Variants in RFX3 observed in about 807,000 individuals in gnomAD.
RFX3 encodes regulatory factor X3.
RFX3 carries 14 observed loss-of-function variants against 98.6 expected under a neutral mutation model. The ratio of observed to expected loss-of-function variants is 0.14; its 90% CI spans 0.09 to 0.22. RFX3 has a LOEUF of 0.22. Among genes scored for constraint, RFX3 ranks in the 10% least tolerant of loss-of-function variants. The pLI is 1.00. For synonymous variants in RFX3, 383 were observed against 328.4 expected (o/e 1.17, Z -1.80); for missense variants, 639 against 926.9 (o/e 0.69, Z 4.03).
chr9:3,465,852 G>T (rs1848165318), intron 1 of RFX3, among the ~76,000 whole-genome samples: 1 of 151,608 alleles, frequency 6.6e-6, no homozygotes, highest in African/African-American at 2.4e-5. Context: ...AAGGAGATAG[G>T]GGAACTTGAC....
At chr9:3,270,102 GAAA>G (rs1824211463) in intron 11 of RFX3, among the ~76,000 whole-genome samples, 1 of 16,524 alleles carries the variant, frequency 6.1e-5, no homozygotes, top group South Asian at 6.0e-3. Context: ...AAGAAAGAAA[GAAA>G]GAAAGAAAGA....
chr9:3,332,915 T>C (rs996308989), intron 3 of RFX3, among the ~76,000 whole-genome samples: 1 of 152,066 alleles, frequency 6.6e-6, no homozygotes, highest in East Asian at 1.9e-4. Context: ...AAGCACCTTA[T>C]CTCAAAATTA....
chr9:3,422,338 G>A (rs1475996793), intron 1 of RFX3, among the ~76,000 whole-genome samples: 1 of 152,170 alleles, frequency 6.6e-6, no homozygotes, highest in South Asian at 2.1e-4. Context: ...GCTGTTGTTG[G>A]TAATGGTGGT....
At position 3,254,763 on chromosome 9, in the gene RFX3, C is replaced by T. The variant is rs180809388; in HGVS notation, c.1814+2228G>A. On this transcript the variant is annotated intron_variant, in intron 14 of 16. Transcript: ENST00000617270. ...AATTCTACCATTACTACAACTGTTG[C>T]TGCATCTACCTTGAGAACACTGTGA... Among the ~76,000 whole-genome samples, 33 of 152,278 alleles carry T rather than the reference C, an allele frequency of 2.2e-4. No individual in the cohort carries two copies. In the East Asian group the frequency reaches 2.9e-3, roughly 13 times the overall value.
intron 12 of RFX3, among the ~76,000 whole-genome samples, chr9:3,265,482 C>T (rs910272563): frequency 5.3e-5 from 8 of 152,150 alleles, no homozygotes; most frequent in Admixed American, 6.6e-5. Context: ...TTGCTGGAGT[C>T]TGACAGTAAA....
chr9:3,479,506 G>C (rs888547356), intron 1 of RFX3, among the ~76,000 whole-genome samples: 1 of 152,094 alleles, frequency 6.6e-6, no homozygotes, highest in African/African-American at 2.4e-5. Flanking sequence ...AAATGAGAGT[G>C]AAACAGATCT....
At chr9:3,250,814 C>T (rs1352215254) in intron 14 of RFX3, among the ~76,000 whole-genome samples, 3 of 151,852 alleles carry the variant, frequency 2.0e-5, no homozygotes, top group South Asian at 2.1e-4. Context: ...ATAATATAAT[C>T]GTTAAGTTGA....
intron 2 of RFX3, among the ~76,000 whole-genome samples, chr9:3,390,568 C>A (rs1840203027): frequency 6.6e-6 from 1 of 152,118 alleles, no homozygotes; most frequent in African/African-American, 2.4e-5. Flanking sequence ...AATTGTAATT[C>A]CCACAATTCC....
intron 2 of RFX3, among the ~76,000 whole-genome samples, chr9:3,355,773 G>C (rs917620350): frequency 1.3e-5 from 2 of 151,742 alleles, no homozygotes; most frequent in Admixed American, 1.3e-4. Flanking sequence ...GAAAGTTCAG[G>C]AATAAATGAG....
intron 1 of RFX3, among the ~76,000 whole-genome samples, chr9:3,469,873 T>C (rs939175531): frequency 6.6e-6 from 1 of 150,764 alleles, no homozygotes; most frequent in Non-Finnish European, 1.5e-5. Flanking sequence ...TTATAGCTCA[T>C]GTGTAAGTCC....
intron 3 of RFX3, among the ~76,000 whole-genome samples, chr9:3,341,823 G>C (rs1282433791): frequency 6.6e-6 from 1 of 152,152 alleles, no homozygotes; most frequent in Non-Finnish European, 1.5e-5. Context: ...TCCTATACCA[G>C]TCAGAATGTG....
At chr9:3,342,497 G>A (rs1016674578) in intron 3 of RFX3, among the ~76,000 whole-genome samples, 1 of 152,094 alleles carries the variant, frequency 6.6e-6, no homozygotes, top group African/African-American at 2.4e-5. Flanking sequence ...TCTAAAGAGT[G>A]GGCAAGTTTC....
At chr9:3,356,334 C>T (rs1326954848) in intron 2 of RFX3, among the ~76,000 whole-genome samples, 1 of 151,676 alleles carries the variant, frequency 6.6e-6, no homozygotes, top group Non-Finnish European at 1.5e-5. Flanking sequence ...AAAGGGGAAA[C>T]GTCACTATAC....
intron 14 of RFX3, among the ~76,000 whole-genome samples, chr9:3,249,106 G>A (rs12002102): frequency 6.6e-6 from 1 of 151,968 alleles, no homozygotes. Flanking sequence ...ATTTTTGGCA[G>A]ATGAACACTA....
intron 2 of RFX3, among the ~76,000 whole-genome samples, chr9:3,355,978 T>G (rs1266444556): frequency 6.6e-6 from 1 of 151,804 alleles, no homozygotes; most frequent in Non-Finnish European, 1.5e-5. Context: ...AATTAGACAA[T>G]GTATTGAATT....
At chr9:3,394,361 G>A (rs986537607) in intron 2 of RFX3, among the ~76,000 whole-genome samples, 2 of 152,168 alleles carry the variant, frequency 1.3e-5, no homozygotes, top group Non-Finnish European at 2.9e-5. Context: ...TATTCTGGAG[G>A]CTGAGGCAGG....
At chr9:3,482,444 G>T (rs1047843837) in intron 1 of RFX3, among the ~76,000 whole-genome samples, 1 of 152,068 alleles carries the variant, frequency 6.6e-6, no homozygotes, top group East Asian at 1.9e-4. Context: ...TTCTTTGTAC[G>T]TTTCTGTATT....
At chr9:3,393,039 G>A (rs1223307166) in intron 2 of RFX3, among the ~76,000 whole-genome samples, 2 of 146,676 alleles carry the variant, frequency 1.4e-5, no homozygotes, top group African/African-American at 5.0e-5. Flanking sequence ...GAACATAAGG[G>A]ACAGGAAGGG....
At chr9:3,241,998 G>A (rs1819991405) in intron 15 of RFX3, among the ~76,000 whole-genome samples, 1 of 152,186 alleles carries the variant, frequency 6.6e-6, no homozygotes, top group South Asian at 2.1e-4. Flanking sequence ...GTGTGTCTAT[G>A]TGTTTGTGTG....
Sources: allele counts gnomAD v4.1 joint callset (sites outside exome capture counted in the v4.1 genomes callset), GRCh38; gene constraint gnomAD v4.1.1; transcripts MANE v1.5; gene names NCBI Gene and HGNC (gene_info 2026-07-23, HGNC 2026-07-21).